The following PICALM variants were observed in gnomAD, a reference collection of about 807,000 sequenced individuals.
PICALM encodes the protein phosphatidylinositol-binding clathrin assembly protein.
Under a neutral mutation model 80.5 loss-of-function variants are expected in PICALM, and 40 were observed. The ratio of observed to expected loss-of-function variants is 0.50; its 90% confidence interval spans 0.39 to 0.65. PICALM has a LOEUF of 0.65. PICALM is among the 30% of genes least tolerant of loss of function. The probability of loss-of-function intolerance (pLI) is 0.00; values close to 1 mark genes in which losing one functional copy is unlikely to be tolerated. For missense variants in PICALM, 676 were observed against 778.9 expected, an observed-to-expected ratio of 0.87 and a Z score of 1.57; for synonymous variants, 288 against 260.3, an observed-to-expected ratio of 1.11 and a Z score of -1.02.
chr11:85,987,279 A>C (rs983591196), intron 13 of PICALM, among the ~76,000 whole-genome samples: 2 of 152,232 alleles, frequency 1.3e-5, no homozygotes, highest in Non-Finnish European at 2.9e-5. Context: ...AATGTACCCA[A>C]GGTCAAAGAT....
chr11:86,030,197 C>T (rs537068639), intron 2 of PICALM, among the ~76,000 whole-genome samples: 1 of 152,108 alleles, frequency 6.6e-6, no homozygotes, highest in African/African-American at 2.4e-5. Context: ...ATGATTATAG[C>T]CATTTAAAAA....
chr11:86,042,412 AC>A (rs2095989174), intron 1 of PICALM, among the ~76,000 whole-genome samples: 1 of 152,114 alleles, frequency 6.6e-6, no homozygotes, highest in African/African-American at 2.4e-5. Flanking sequence ...TTTTATTTAA[AC>A]AATAAGAAAA....
intron 12 of PICALM, among the ~76,000 whole-genome samples, chr11:85,992,012 T>A (rs984365285): frequency 2.0e-5 from 3 of 152,030 alleles, no homozygotes; most frequent in African/African-American, 7.2e-5. Flanking sequence ...TGTGCCACCA[T>A]GCCTGGCTAA....
chr11:86,062,959 C>T (rs1183350557), intron 1 of PICALM, among the ~76,000 whole-genome samples: 1 of 152,230 alleles, frequency 6.6e-6, no homozygotes, highest in East Asian at 1.9e-4. Context: ...AAGGCTACTT[C>T]TTCCTGGTAG....
chr11:86,047,419 G>A (rs561221434), intron 1 of PICALM, among the ~76,000 whole-genome samples: 3 of 152,346 alleles, frequency 2.0e-5, no homozygotes, highest in Admixed American at 2.0e-4. Flanking sequence ...CACAAGTTGC[G>A]AAAGTTCTGG....
chr11:85,957,703 T>G lies in PICALM; in HGVS notation c.*1343A>C, dbSNP rs1386676093. 9.8e-6 allele frequency: 2 copies of G among 203,710 alleles called. No homozygotes were observed. The highest frequency in any genetic ancestry group is 2.0e-5 in the Non-Finnish European group (2 of 99,022). 12.6% of individuals were successfully genotyped at this position (203,710 alleles called of 1,614,324 possible). A position where few individuals can be genotyped will look rare whatever the true frequency, so the allele number is the denominator to read the frequency against. On this transcript the variant is annotated 3_prime_UTR_variant, in exon 20 of 20. Coordinates refer to ENST00000393346, the MANE Select transcript of PICALM (RefSeq NM_007166.4). ...CAAAACTTTTGTGGAAGCTGCATTTTATTTGAAAATCCACCCATTTTGCTA... is the reference window on the plus strand; with the variant it reads ...CAAAACTTTTGTGGAAGCTGCATTTGATTTGAAAATCCACCCATTTTGCTA...
chr11:86,027,025 T>G (rs1213545496), intron 2 of PICALM, among the ~76,000 whole-genome samples: 1 of 152,242 alleles, frequency 6.6e-6, no homozygotes, highest in East Asian at 1.9e-4. Flanking sequence ...CATAGTGTAC[T>G]TACTCTTTGC....
At chr11:86,008,045 T>TAA (rs1565387412) in intron 7 of PICALM, among the ~76,000 whole-genome samples, 1 of 152,094 alleles carries the variant, frequency 6.6e-6, no homozygotes, top group Non-Finnish European at 1.5e-5. Flanking sequence ...TCACCACAGA[T>TAA]AACACTTTAA....
intron 1 of PICALM, among the ~76,000 whole-genome samples, chr11:86,037,531 T>C (rs1303527804): frequency 6.6e-6 from 1 of 151,600 alleles, no homozygotes; most frequent in Non-Finnish European, 1.5e-5. Flanking sequence ...GTGCTGGGAT[T>C]ACAGGCGTGA....
At chr11:86,054,759 G>C (rs1023091042) in intron 1 of PICALM, among the ~76,000 whole-genome samples, 3 of 152,102 alleles carry the variant, frequency 2.0e-5, no homozygotes, top group Admixed American at 6.5e-5. Context: ...CTCCTTTTAA[G>C]GTAAGAATCA....
chr11:85,982,478 A>ACTG (rs2094470809), intron 14 of PICALM, among the ~76,000 whole-genome samples: 1 of 121,894 alleles, frequency 8.2e-6, no homozygotes, highest in South Asian at 2.8e-4. Context: ...CGGACTGCGG[A>ACTG]CTGCAGTGGC....
At chr11:86,035,605 T>C (rs2095826787) in intron 1 of PICALM, among the ~76,000 whole-genome samples, 1 of 152,130 alleles carries the variant, frequency 6.6e-6, no homozygotes, top group African/African-American at 2.4e-5. Flanking sequence ...ACACCTGCCC[T>C]CATAAATTTA....
intron 16 of PICALM, among the ~76,000 whole-genome samples, 183 bp from the exon 17 acceptor site, chr11:85,981,411 A>T (rs1406469256): frequency 6.6e-6 from 1 of 151,988 alleles, no homozygotes; most frequent in Non-Finnish European, 1.5e-5. Context: ...ATTGAGACCA[A>T]CCTGGCTAAC....
intron 1 of PICALM, among the ~76,000 whole-genome samples, chr11:86,048,347 C>T (rs1291981880): frequency 1.3e-5 from 2 of 152,096 alleles, no homozygotes; most frequent in Non-Finnish European, 2.9e-5. Context: ...GAAGATAGTG[C>T]CTTGATCCAC....
intron 1 of PICALM, among the ~76,000 whole-genome samples, chr11:86,060,981 T>C (rs1362408525): frequency 1.3e-5 from 2 of 152,150 alleles, no homozygotes; most frequent in East Asian, 3.8e-4. Context: ...GTGAAAGGCA[T>C]TGTCAAGAGA....
At chr11:86,066,125 T>G (rs796409748) in intron 1 of PICALM, among the ~76,000 whole-genome samples, 3 of 152,242 alleles carry the variant, frequency 2.0e-5, no homozygotes, top group African/African-American at 7.2e-5. Context: ...AAGCCTAAAG[T>G]TCATGATGTC....
chr11:86,011,799 T>C (rs768298594), intron 6 of PICALM, among the ~76,000 whole-genome samples: 1 of 152,026 alleles, frequency 6.6e-6, no homozygotes, highest in Non-Finnish European at 1.5e-5. Context: ...TTTTTTCCCA[T>C]CTTTTTTTAT....
intron 4 of PICALM, among the ~76,000 whole-genome samples, chr11:86,019,057 T>C (rs1356250078): frequency 6.6e-6 from 1 of 152,178 alleles, no homozygotes; most frequent in African/African-American, 2.4e-5. Context: ...CAGAAAAGGT[T>C]AGACACACTA....
At chr11:85,989,085 C>A (rs1279127433) in intron 13 of PICALM, among the ~76,000 whole-genome samples, 1 of 152,184 alleles carries the variant, frequency 6.6e-6, no homozygotes, top group Non-Finnish European at 1.5e-5. Context: ...ATCATTGTAT[C>A]AGATAAATGT....
Sources: gnomAD v4.1 joint callset for allele counts (sites outside exome capture counted in the v4.1 genomes callset) on GRCh38, gnomAD v4.1.1 for gene constraint, MANE v1.5 for transcripts, NCBI Gene and HGNC (gene_info 2026-07-23, HGNC 2026-07-21) for gene names.